The following RB1CC1 variants were observed in gnomAD, a reference collection of about 807,000 sequenced individuals.
The protein encoded by RB1CC1 is RB1-inducible coiled-coil protein 1.
RB1CC1 carries 46 observed loss-of-function variants against 177.5 expected under a neutral mutation model. That is an observed-to-expected ratio of 0.26 (90% CI 0.20 to 0.33). The LOEUF is 0.33. RB1CC1 is among the 10% of genes least tolerant of loss of function. The pLI is 1.00. For missense variants in RB1CC1, 1,703 were observed against 1,816.3 expected (o/e 0.94, Z 1.13); for synonymous variants, 666 against 613.6 (o/e 1.09, Z -1.26).
chr8:52,658,379 C>G (rs1324267409), intron 13 of RB1CC1, among the ~76,000 whole-genome samples: 1 of 151,860 alleles, frequency 6.6e-6, no homozygotes, highest in African/African-American at 2.4e-5. Flanking sequence ...GAGTTCGAGA[C>G]CAGCCTGGCC....
intron 18 of RB1CC1, among the ~76,000 whole-genome samples, chr8:52,636,826 C>A (rs867990655): frequency 6.6e-6 from 1 of 152,220 alleles, no homozygotes; most frequent in Non-Finnish European, 1.5e-5. Flanking sequence ...GCTATCCCTG[C>A]ACCATTTGCT....
chr8:52,630,184 G>A (rs60267541), intron 21 of RB1CC1, among the ~76,000 whole-genome samples: 2,829 of 152,220 alleles, frequency 0.019, 97 homozygotes, highest in African/African-American at 0.066. Context: ...AGATAAATGG[G>A]ATTTAAAAGA....
At chr8:52,691,234 T>TA (rs761171388) in intron 1 of RB1CC1, among the ~76,000 whole-genome samples, 3 of 152,174 alleles carry the variant, frequency 2.0e-5, no homozygotes, top group Non-Finnish European at 2.9e-5. Flanking sequence ...TAGAAATCGT[T>TA]AGAGTATAGA....
chr8:52,690,230 C>T (rs1854701165), intron 1 of RB1CC1, among the ~76,000 whole-genome samples: 1 of 152,200 alleles, frequency 6.6e-6, no homozygotes, highest in Admixed American at 6.5e-5. Flanking sequence ...ACAGCTTTAT[C>T]TTACAGGAGG....
intron 1 of RB1CC1, among the ~76,000 whole-genome samples, chr8:52,699,772 T>A (rs1855827137): frequency 8.2e-6 from 1 of 122,376 alleles, no homozygotes; most frequent in Admixed American, 1.0e-4. Flanking sequence ...TGAGCCGAGA[T>A]TCTGCCACTG....
intron 1 of RB1CC1, among the ~76,000 whole-genome samples, chr8:52,709,052 A>G (rs113189452): frequency 6.6e-5 from 10 of 152,204 alleles, no homozygotes; most frequent in African/African-American, 2.4e-4. Context: ...TACTAAAAAC[A>G]CAAAATTATC....
At position 52,661,728 on chromosome 8, in the gene RB1CC1, A is replaced by C; in HGVS notation, c.1174-9T>G. 6.5e-7 allele frequency: 1 copy of C among 1,535,208 alleles called. No homozygotes were observed. Among genetic ancestry groups the C allele is most frequent in the South Asian group, 1.3e-5 (1 of 79,316 alleles). ...TGATTAGCTAAAAATCCCTTTGAGA[A>C]AAAAAATGTTTCAAAGGACATTAAT... is the stretch of plus-strand genomic sequence containing the variant. On this transcript the variant is annotated splice_polypyrimidine_tract_variant and intron_variant, in intron 8 of 23. Transcript: ENST00000025008.
chr8:52,634,978 GAA>G lies in RB1CC1; in HGVS notation c.4393-12_4393-11del. The stretch of plus-strand genomic sequence containing the variant: ...CTTTCAATTGCAATGTCTGCAGGTG[GAA>G]AAAAGAGACCTGTGGTTTATCCTTG... On this transcript the variant is annotated splice_polypyrimidine_tract_variant and intron_variant, in intron 19 of 23. Transcript: ENST00000025008. 6.2e-7 allele frequency: 1 copy of G among 1,600,650 alleles called. No individual in the cohort carries two copies. The highest frequency in any genetic ancestry group is 8.5e-7 in the Non-Finnish European group (1 of 1,173,068).
chr8:52,713,335 A>G (rs1232519507), intron 1 of RB1CC1, among the ~76,000 whole-genome samples: 3 of 152,222 alleles, frequency 2.0e-5, no homozygotes, highest in African/African-American at 7.2e-5. Flanking sequence ...AACAGTAAAC[A>G]CAGCACATCC....
Position 52,698,669 on chromosome 8 carries a change from G to GTTTTTTTTT in RB1CC1, c.-166-11703_-166-11702insAAAAAAAAA, listed in dbSNP as rs1855693493. On this transcript the variant is annotated intron_variant, in intron 1 of 23. Coordinates refer to ENST00000025008, the MANE Select transcript of RB1CC1 (RefSeq NM_014781.5). ...AACAAAAACTGTATATGTAATGGTT[G>GTTTTTTTTT]GTTTTTTTTTTTTTTTTTTTTTTTT... 1.5e-3 allele frequency among the ~76,000 whole-genome samples: 34 copies of GTTTTTTTTT among 22,782 alleles called. 16 individuals are homozygous for GTTTTTTTTT. The highest frequency in any genetic ancestry group is 1.9e-3 in the African/African-American group (14 of 7,344). The allele number at this position is 22,782 out of a possible 152,430, so 14.9% of individuals were successfully genotyped here.
rs1014923365 is a variant in RB1CC1 at position 52,645,947 on chromosome 8, T to C, written c.3822-80A>G. 28 of 1,347,838 alleles carry C rather than the reference T, an allele frequency of 2.1e-5. 1 individual carries two copies. The Admixed American group carries it at 5.5e-4, about 27-fold the overall frequency. The allele number at this position is 1,347,838 out of a possible 1,614,324, so 83.5% of individuals were successfully genotyped here. ...TACCAAATATCATATTTGGGAAATT[T>C]ATCTTCCTTAAGCTCAATAATGTAG... On this transcript the variant is annotated intron_variant, in intron 15 of 23. Coordinates refer to ENST00000025008, the MANE Select transcript of RB1CC1 (RefSeq NM_014781.5).
chr8:52,663,707 CA>C (rs773092525), intron 8 of RB1CC1, among the ~76,000 whole-genome samples: 3 of 152,098 alleles, frequency 2.0e-5, no homozygotes, highest in Non-Finnish European at 4.4e-5. Flanking sequence ...TTAGCAGCAA[CA>C]AAAGTAACTG....
intron 15 of RB1CC1, among the ~76,000 whole-genome samples, chr8:52,655,382 T>C (rs1278899201): frequency 6.6e-6 from 1 of 152,084 alleles, no homozygotes; most frequent in African/African-American, 2.4e-5. Flanking sequence ...TAAACCCAGA[T>C]TAAAAGTAAA....
chr8:52,712,507 A>AC (rs1432629349), intron 1 of RB1CC1, among the ~76,000 whole-genome samples: 3 of 151,722 alleles, frequency 2.0e-5, no homozygotes, highest in Non-Finnish European at 4.4e-5. Flanking sequence ...AAAAAAAAAA[A>AC]AAAAAAAAAC....
rs749876076 is a variant in RB1CC1, at chr8:52,657,607, A to G, written c.2222T>C (p.Ile741Thr). The change falls in exon 15 of 24, where the codon ATA (isoleucine) becomes ACA (threonine). Residue 741 changes from isoleucine (I) to threonine (T), a missense_variant. By Grantham distance (89) the Ile-to-Thr change is moderately conservative. Transcript: ENST00000025008. ...DFMSAVNEFV[I>T]EENLSSPNPI... ...ATTAGGAGACGACAAATTTTCTTCT[A>G]TTACAAACTCATTCACAGCAGACAT... 2 of 1,614,102 alleles carry G rather than the reference A, an allele frequency of 1.2e-6. No homozygotes were observed. The highest frequency in any genetic ancestry group is 1.7e-5 in the Admixed American group (1 of 60,022).
intron 7 of RB1CC1, among the ~76,000 whole-genome samples, chr8:52,670,188 C>T (rs1591034701): frequency 1.3e-5 from 2 of 152,180 alleles, no homozygotes; most frequent in East Asian, 3.9e-4. Flanking sequence ...CCACCTTGGC[C>T]TCCCAAAGTG....
At chr8:52,634,663 A>G (rs1590923700) in intron 20 of RB1CC1, among the ~76,000 whole-genome samples, 1 of 152,172 alleles carries the variant, frequency 6.6e-6, no homozygotes, top group Non-Finnish European at 1.5e-5. Flanking sequence ...AACTGGTCAG[A>G]CCTACAGCCG....
chr8:52,652,807 C>T (rs796219201), intron 15 of RB1CC1, among the ~76,000 whole-genome samples: 9 of 152,226 alleles, frequency 5.9e-5, no homozygotes, highest in African/African-American at 2.2e-4. Context: ...CCTATAATCC[C>T]AGCACTTTGG....
rs763723278 is a variant in RB1CC1 at position 52,658,908 on chromosome 8, T to C, written c.1758A>G (p.Gln586=). 1 of 1,590,206 alleles carries C rather than the reference T, an allele frequency of 6.3e-7. No individual in the cohort carries two copies. Among genetic ancestry groups the C allele is most frequent in the South Asian group, 1.2e-5 (1 of 85,924 alleles). The change falls in exon 13 of 24, where the codon CAA becomes CAG. Residue 586 remains glutamine (Q), a synonymous_variant. Transcript: ENST00000025008. ...GCTGAACTTCCGAAGGACAAAATGA[T>C]TGCAGAAACTGTAAATCTTTTAATG... The part of the protein sequence containing the change: ...DISLKDLQFL[Q]SFCPSEVQPF...
Sources: gnomAD v4.1 joint callset for allele counts (sites outside exome capture counted in the v4.1 genomes callset) on GRCh38, gnomAD v4.1.1 for gene constraint, MANE v1.5 for transcripts, NCBI Gene and HGNC (gene_info 2026-07-23, HGNC 2026-07-21) for gene names.